EYS: variants seen among roughly 807,000 people sequenced by gnomAD.
The protein encoded by EYS is EGF-like photoreceptor maintenance factor.
In EYS, 250 loss-of-function variants were observed where a neutral mutation model predicts 282.1. That is an observed-to-expected ratio of 0.89 (90% CI 0.80 to 0.98). The LOEUF (loss-of-function observed/expected upper bound fraction) is 0.98. Among genes scored for constraint, EYS ranks in the 50% least tolerant of loss-of-function variants. The pLI is 0.00. For missense variants in EYS, 4,016 were observed against 3,709.0 expected (o/e 1.08, Z -2.15); for synonymous variants, 1,355 against 1,282.9 (o/e 1.06, Z -1.20).
intron 12 of EYS, among the ~76,000 whole-genome samples, chr6:65,184,503 A>C (rs1488734784): frequency 1.3e-5 from 2 of 151,906 alleles, no homozygotes; most frequent in Non-Finnish European, 2.9e-5. Context: ...ACAAACATTC[A>C]AACCATAGCA....
chr6:64,912,550 G>C lies in EYS; in HGVS notation c.2575C>G (p.Pro859Ala), dbSNP rs918658108. Reference protein sequence around the residue: ...RYNLCDLLHNPCRNNSTCLAL... With the variant: ...RYNLCDLLHNACRNNSTCLAL... ...AAGCATGTTGAGTTGTTTCTGCAAG[G>C]GTTATGAAGTAGGTCACAAAGGTTA... Residue 859 changes from proline to alanine, a missense_variant, in exon 16 of 43, where the codon CCT becomes GCT. Transcript: ENST00000503581. The C allele has an allele frequency of 1.3e-6, 2 of 1,551,174 alleles. No homozygotes were observed. Among genetic ancestry groups the C allele is most frequent in the Admixed American group, 3.9e-5 (2 of 50,974 alleles).
At chr6:64,157,952 T>A (rs963193900) in intron 31 of EYS, among the ~76,000 whole-genome samples, 2 of 152,108 alleles carry the variant, frequency 1.3e-5, no homozygotes, top group Admixed American at 1.3e-4. Flanking sequence ...GAATAGTAGA[T>A]CCAGCTACAG....
At chr6:64,266,612 A>C (rs1026422252) in intron 30 of EYS, among the ~76,000 whole-genome samples, 1 of 152,162 alleles carries the variant, frequency 6.6e-6, no homozygotes, top group Non-Finnish European at 1.5e-5. Flanking sequence ...AGTTAAGGAC[A>C]AAATTTGAGG....
In EYS at chr6:65,018,662, T is replaced by C. The variant is rs542224192; in HGVS notation, c.2138-20959A>G. Among the ~76,000 whole-genome samples, 318 of 151,896 alleles carry C rather than the reference T, an allele frequency of 2.1e-3. 5 individuals are homozygous for C. Among genetic ancestry groups the C allele is most frequent in the African/African-American group, 7.4e-3 (306 of 41,442 alleles). On this transcript the variant is annotated intron_variant, in intron 13 of 42. Transcript: ENST00000503581. Reference sequence around the variant, plus strand: ...TTTGATGTGAAGGAAGCATAAGAGGTTTTTCTGTATGTTGGTTTTTGTTTT... The same window carrying C: ...TTTGATGTGAAGGAAGCATAAGAGGCTTTTCTGTATGTTGGTTTTTGTTTT...
At chr6:64,542,013 T>C (rs1764706575) in intron 26 of EYS, among the ~76,000 whole-genome samples, 1 of 152,164 alleles carries the variant, frequency 6.6e-6, no homozygotes, top group South Asian at 2.1e-4. Flanking sequence ...AAAAGTGTCA[T>C]TACTTTTTTA....
intron 2 of EYS, among the ~76,000 whole-genome samples, chr6:65,499,403 G>T (rs1406114833): frequency 6.6e-6 from 1 of 151,880 alleles, no homozygotes; most frequent in Non-Finnish European, 1.5e-5. Context: ...ATTTCTATTT[G>T]CACTCAATAG....
intron 1 of EYS, among the ~76,000 whole-genome samples, chr6:65,642,514 C>A (rs1427780576): frequency 3.7e-5 from 5 of 135,714 alleles, no homozygotes; most frequent in Non-Finnish European, 8.1e-5. Context: ...TACAATTCTT[C>A]AAGAAAGCCA....
chr6:64,220,182 A>ATT (rs1471837536), intron 31 of EYS, among the ~76,000 whole-genome samples: 1 of 152,150 alleles, frequency 6.6e-6, no homozygotes, highest in Non-Finnish European at 1.5e-5. Context: ...AAAGTAAAAA[A>ATT]TTTTAATAGA....
At position 63,778,198 on chromosome 6, in the gene EYS, A is replaced by G. The variant is rs1254504921; in HGVS notation, c.7724-18T>C. On this transcript the variant is annotated intron_variant, in intron 39 of 42. Coordinates refer to ENST00000503581, the MANE Select transcript of EYS (RefSeq NM_001142800.2). ...AATACAGCCTTGAAGAAATGCAAAA[A>G]CACTTCGTGTTAACAAACAGAAGAA... The G allele has an allele frequency of 6.4e-7, 1 of 1,550,568 alleles. No homozygotes were observed. Among genetic ancestry groups the G allele is most frequent in the Non-Finnish European group, 8.7e-7 (1 of 1,145,868 alleles).
At chr6:63,900,276 A>G (rs1407640375) in intron 35 of EYS, among the ~76,000 whole-genome samples, 2 of 152,230 alleles carry the variant, frequency 1.3e-5, no homozygotes, top group African/African-American at 4.8e-5. Flanking sequence ...CATGTTAGGT[A>G]TATTAAAATA....
At chr6:64,221,049 A>G (rs918207615) in intron 31 of EYS, among the ~76,000 whole-genome samples, 20 of 152,196 alleles carry the variant, frequency 1.3e-4, no homozygotes, top group Non-Finnish European at 2.9e-4. Flanking sequence ...TTCAACTAAT[A>G]AATTATCACT....
At chr6:64,349,548 T>C (rs1044973277) in intron 29 of EYS, among the ~76,000 whole-genome samples, 4 of 151,218 alleles carry the variant, frequency 2.6e-5, no homozygotes, top group African/African-American at 7.3e-5. Context: ...TAGGTAAGAG[T>C]TAATGATTCT....
At chr6:63,975,174 T>C (rs565702251) in intron 35 of EYS, among the ~76,000 whole-genome samples, 1 of 152,138 alleles carries the variant, frequency 6.6e-6, no homozygotes, top group South Asian at 2.1e-4. Context: ...GCTTGCAGTT[T>C]ATGTGTATAA....
chr6:65,669,884 C>G (rs1454356842), intron 1 of EYS, among the ~76,000 whole-genome samples: 1 of 151,866 alleles, frequency 6.6e-6, no homozygotes, highest in Non-Finnish European at 1.5e-5. Context: ...TTAGTTTTTT[C>G]TCCTGTAAAA....
chr6:64,960,489 A>G (rs536394137), intron 14 of EYS, among the ~76,000 whole-genome samples: 64 of 152,242 alleles, frequency 4.2e-4, no homozygotes, highest in African/African-American at 1.5e-3. Context: ...TCCAATATAT[A>G]TTCCAAATTA....
intron 12 of EYS, among the ~76,000 whole-genome samples, chr6:65,120,459 G>GAAAAAAAAAAAAAAAAAAAAAAA (rs1775505079): frequency 9.0e-5 from 1 of 11,152 alleles, no homozygotes; most frequent in Non-Finnish European, 1.9e-4. Context: ...CTTTAAATAA[G>GAAAAAAAAAAAAAAAAAAAAAAA]CAAAAAAAAA....
intron 2 of EYS, among the ~76,000 whole-genome samples, chr6:65,536,601 T>C (rs1165315969): frequency 6.6e-6 from 1 of 152,130 alleles, no homozygotes; most frequent in Non-Finnish European, 1.5e-5. Flanking sequence ...ATTTGGATAA[T>C]ATCTAAAAAT....
chr6:64,231,575 C>A (rs967511564), intron 30 of EYS, among the ~76,000 whole-genome samples: 5 of 152,130 alleles, frequency 3.3e-5, no homozygotes, highest in Non-Finnish European at 5.9e-5. Flanking sequence ...TGTTATTCCT[C>A]AATTCCTGTC....
chr6:65,047,096 T>A (rs1773126112), intron 13 of EYS, among the ~76,000 whole-genome samples: 1 of 131,918 alleles, frequency 7.6e-6, no homozygotes, highest in African/African-American at 2.5e-5. Context: ...CAATTAAACC[T>A]CTTTTTTTTT....
Sources: gnomAD v4.1 joint callset for allele counts (sites outside exome capture counted in the v4.1 genomes callset) on GRCh38, gnomAD v4.1.1 for gene constraint, MANE v1.5 for transcripts, NCBI Gene and HGNC (gene_info 2026-07-23, HGNC 2026-07-21) for gene names.